Variants in ST6GALNAC3 observed in about 807,000 individuals in gnomAD.
ST6GALNAC3 encodes ST6 N-acetylgalactosaminide alpha-2,6-sialyltransferase 3, also known as alpha-N-acetylgalactosaminide alpha-2,6-sialyltransferase 3.
In ST6GALNAC3, 25 loss-of-function variants were observed where a neutral mutation model predicts 32.7. That is an observed-to-expected ratio of 0.76 (90% CI 0.56 to 1.07). ST6GALNAC3 has a LOEUF of 1.07. Ranked by LOEUF, ST6GALNAC3 falls within the 50% of genes least tolerant of loss-of-function variation. ST6GALNAC3 has a pLI of 0.00. For synonymous variants in ST6GALNAC3, 129 were observed against 133.1 expected, an observed-to-expected ratio of 0.97 and a Z score of 0.21; for missense variants, 355 against 382.4, an observed-to-expected ratio of 0.93 and a Z score of 0.60.
intron 3 of ST6GALNAC3, among the ~76,000 whole-genome samples, chr1:76,416,242 G>C (rs999621372): frequency 2.0e-5 from 3 of 152,090 alleles, no homozygotes; most frequent in Non-Finnish European, 4.4e-5. Flanking sequence ...TTTCTCCTAA[G>C]TAAATAGGAG....
At chr1:76,572,282 G>A (rs1646713967) in intron 3 of ST6GALNAC3, among the ~76,000 whole-genome samples, 1 of 151,940 alleles carries the variant, frequency 6.6e-6, no homozygotes, top group Admixed American at 6.6e-5. Flanking sequence ...TCTAATAAGA[G>A]AATATAGTTA....
rs148376142 is a variant in ST6GALNAC3 at position 76,621,256 on chromosome 1, A to C, written c.624-6196A>C. Among the ~76,000 whole-genome samples, 618 of 152,154 alleles carry C rather than the reference A, an allele frequency of 4.1e-3. 8 individuals carry two copies. The highest frequency in any genetic ancestry group is 0.03 in the Admixed American group (458 of 15,258). ...AGGTATTTTGCATTAGCTGATTGGG[A>C]TAGAAGTACAGTCTTCCTCTAAGCT... is the stretch of plus-strand genomic sequence containing the variant. On this transcript the variant is annotated intron_variant, in intron 3 of 4. Transcript: ENST00000328299.
chr1:76,093,416 A>G (rs1016292834), intron 1 of ST6GALNAC3, among the ~76,000 whole-genome samples: 1 of 152,214 alleles, frequency 6.6e-6, no homozygotes, highest in African/African-American at 2.4e-5. Context: ...CGTTGGCAAG[A>G]ACTGTTCCTC....
chr1:76,374,863 T>G (rs1298849473), intron 2 of ST6GALNAC3, among the ~76,000 whole-genome samples: 11 of 152,160 alleles, frequency 7.2e-5, no homozygotes, highest in Admixed American at 7.2e-4. Flanking sequence ...GCTGAGCTAT[T>G]ATTTTGGTGA....
chr1:76,290,092 A>G (rs1346740607), intron 1 of ST6GALNAC3, among the ~76,000 whole-genome samples: 1 of 152,246 alleles, frequency 6.6e-6, no homozygotes, highest in Non-Finnish European at 1.5e-5. Context: ...GTAGTAAAGA[A>G]ATGCATTCCT....
intron 1 of ST6GALNAC3, among the ~76,000 whole-genome samples, chr1:76,100,071 CAT>C (rs1312361320): frequency 6.6e-6 from 1 of 151,952 alleles, no homozygotes; most frequent in Non-Finnish European, 1.5e-5. Context: ...GGTTTATAAA[CAT>C]GTAGTTAGTT....
intron 3 of ST6GALNAC3, among the ~76,000 whole-genome samples, chr1:76,586,597 T>C (rs535328010): frequency 1.3e-5 from 2 of 152,344 alleles, no homozygotes; most frequent in African/African-American, 2.4e-5. Context: ...TATTTTAAAC[T>C]CAGGTTAAAG....
At chr1:76,186,675 G>T (rs560528815) in intron 1 of ST6GALNAC3, among the ~76,000 whole-genome samples, 2 of 152,278 alleles carry the variant, frequency 1.3e-5, no homozygotes, top group East Asian at 3.9e-4. Flanking sequence ...GAGCTGCCTG[G>T]TGGTGCCTAT....
At chr1:76,433,958 C>A (rs1188553241) in intron 3 of ST6GALNAC3, among the ~76,000 whole-genome samples, 1 of 152,104 alleles carries the variant, frequency 6.6e-6, no homozygotes, top group East Asian at 1.9e-4. Flanking sequence ...TCTATTTATT[C>A]ATTCATTTAT....
At chr1:76,349,137 A>G (rs913234822) in intron 2 of ST6GALNAC3, among the ~76,000 whole-genome samples, 1 of 152,214 alleles carries the variant, frequency 6.6e-6, no homozygotes, top group African/African-American at 2.4e-5. Flanking sequence ...ACATTAAATA[A>G]TGCAAGTACC....
intron 3 of ST6GALNAC3, among the ~76,000 whole-genome samples, chr1:76,513,103 G>T (rs1201183027): frequency 6.6e-6 from 1 of 151,688 alleles, no homozygotes; most frequent in Non-Finnish European, 1.5e-5. Flanking sequence ...TTTGTTAATT[G>T]TTTTTCTTGC....
intron 1 of ST6GALNAC3, among the ~76,000 whole-genome samples, chr1:76,107,757 A>C (rs1345647900): frequency 6.6e-6 from 1 of 152,150 alleles, no homozygotes. Context: ...AGGAAGATGC[A>C]ATGTGGAGAA....
intron 3 of ST6GALNAC3, among the ~76,000 whole-genome samples, chr1:76,555,648 A>G (rs1361578402): frequency 1.3e-5 from 2 of 152,126 alleles, no homozygotes; most frequent in African/African-American, 4.8e-5. Flanking sequence ...AGATTAGGCT[A>G]TTGATAGACT....
chr1:76,314,482 G>C (rs940598754), intron 2 of ST6GALNAC3, among the ~76,000 whole-genome samples: 2 of 152,068 alleles, frequency 1.3e-5, no homozygotes, highest in African/African-American at 4.8e-5. Context: ...GAGATAATGG[G>C]ATTTAAAGAG....
At chr1:76,600,028 T>C (rs1430437954) in intron 3 of ST6GALNAC3, among the ~76,000 whole-genome samples, 2 of 152,148 alleles carry the variant, frequency 1.3e-5, no homozygotes, top group Non-Finnish European at 2.9e-5. Flanking sequence ...CTTAACATTC[T>C]TATATTAAAA....
intron 1 of ST6GALNAC3, among the ~76,000 whole-genome samples, chr1:76,089,126 T>C (rs1456349911): frequency 6.6e-6 from 1 of 152,164 alleles, no homozygotes; most frequent in African/African-American, 2.4e-5. Flanking sequence ...CCTCCCGGGT[T>C]CACACCATTC....
At chr1:76,346,559 A>G (rs1244818305) in intron 2 of ST6GALNAC3, among the ~76,000 whole-genome samples, 1 of 152,326 alleles carries the variant, frequency 6.6e-6, no homozygotes, top group South Asian at 2.1e-4. Flanking sequence ...ACAAATGCAC[A>G]TGGCTAAAGC....
intron 1 of ST6GALNAC3, among the ~76,000 whole-genome samples, chr1:76,304,726 AAG>A (rs1366045141): frequency 2.0e-5 from 3 of 152,062 alleles, no homozygotes; most frequent in African/African-American, 7.2e-5. Context: ...ACAGAAAAAT[AAG>A]AGATTCCAGC....
chr1:76,090,484 T>G (rs1045711782), intron 1 of ST6GALNAC3, among the ~76,000 whole-genome samples: 1 of 152,214 alleles, frequency 6.6e-6, no homozygotes, highest in African/African-American at 2.4e-5. Context: ...TCTTCTTCAT[T>G]TGTCACTCTT....
Sources: allele counts gnomAD v4.1 joint callset (sites outside exome capture counted in the v4.1 genomes callset), GRCh38; gene constraint gnomAD v4.1.1; transcripts MANE v1.5; gene names NCBI Gene and HGNC (gene_info 2026-07-23, HGNC 2026-07-21).